Variants in WWC2 observed in about 807,000 individuals in gnomAD.
WWC2 encodes WW and C2 domain containing 2, also known as protein WWC2.
A neutral mutation model predicts 138.5 loss-of-function variants in WWC2; 101 were observed. The observed-to-expected ratio is 0.73, with a 90% CI of 0.62 to 0.86. The LOEUF (loss-of-function observed/expected upper bound fraction) is 0.86. WWC2 is among the 40% of genes least tolerant of loss of function. WWC2 has a pLI of 0.00. For missense variants in WWC2, 1,420 were observed against 1,419.4 expected (o/e 1.00, Z -0.01); for synonymous variants, 558 against 538.4 (o/e 1.04, Z -0.50).
At chr4:183,146,495 A>G (rs1187380210) in intron 1 of WWC2, among the ~76,000 whole-genome samples, 8 of 152,212 alleles carry the variant, frequency 5.3e-5, no homozygotes. Flanking sequence ...AATGAGATGT[A>G]TGAAATTCAG....
At chr4:183,297,383 T>C (rs868351582) in intron 21 of WWC2, among the ~76,000 whole-genome samples, 1 of 152,042 alleles carries the variant, frequency 6.6e-6, no homozygotes, top group African/African-American at 2.4e-5. Flanking sequence ...CTTTCTGTTA[T>C]GATTGTGGTA....
chr4:183,132,512 G>C (rs1315400477), intron 1 of WWC2, among the ~76,000 whole-genome samples: 1 of 149,062 alleles, frequency 6.7e-6, no homozygotes, highest in Non-Finnish European at 1.5e-5. Flanking sequence ...GGAGTGCTGT[G>C]GCGCGATCTC....
intron 3 of WWC2, among the ~76,000 whole-genome samples, chr4:183,208,447 G>A (rs936285846): frequency 2.0e-5 from 3 of 152,184 alleles, no homozygotes; most frequent in Non-Finnish European, 4.4e-5. Flanking sequence ...AACAGTGCAA[G>A]TAGTTTGGCC....
chr4:183,178,749 G>A (rs1231715617), intron 1 of WWC2, among the ~76,000 whole-genome samples: 2 of 152,170 alleles, frequency 1.3e-5, no homozygotes, highest in Admixed American at 6.5e-5. Context: ...TGATCTAGCT[G>A]AGCTCTCCGT....
chr4:183,160,808 G>A (rs1378033578), intron 1 of WWC2, among the ~76,000 whole-genome samples: 1 of 152,146 alleles, frequency 6.6e-6, no homozygotes, highest in Non-Finnish European at 1.5e-5. Flanking sequence ...TGGGAAATTT[G>A]CATCCAGATT....
rs149745934 is a variant in WWC2 at position 183,148,768 on chromosome 4, G to A, written c.132-44831G>A. ...CAACTAGGAATTTCTAGAAGAAACTGCTTCTTTCCTGTGCCAGGGTGTCCC... is the reference window on the plus strand; with the variant it reads ...CAACTAGGAATTTCTAGAAGAAACTACTTCTTTCCTGTGCCAGGGTGTCCC... On this transcript the variant is annotated intron_variant, in intron 1 of 22. Transcript: ENST00000403733. 2.4e-3 allele frequency among the ~76,000 whole-genome samples: 367 copies of A among 152,272 alleles called. 2 individuals carry two copies. Among genetic ancestry groups the A allele is most frequent in the African/African-American group, 8.6e-3 (356 of 41,546 alleles).
intron 4 of WWC2, among the ~76,000 whole-genome samples, chr4:183,239,108 A>G (rs1012540484): frequency 6.6e-6 from 1 of 152,134 alleles, no homozygotes; most frequent in Non-Finnish European, 1.5e-5. Flanking sequence ...TGAGCCCTGG[A>G]GTTCGAGACC....
At chr4:183,195,292 G>A (rs1467211689) in intron 2 of WWC2, among the ~76,000 whole-genome samples, 1 of 152,166 alleles carries the variant, frequency 6.6e-6, no homozygotes, top group Non-Finnish European at 1.5e-5. Flanking sequence ...TTTCCTTAAA[G>A]TAGTATTTGG....
intron 22 of WWC2, among the ~76,000 whole-genome samples, chr4:183,315,001 T>C (rs993811733): frequency 6.6e-6 from 1 of 152,248 alleles, no homozygotes; most frequent in Non-Finnish European, 1.5e-5. Context: ...GCCCCTTGCA[T>C]GTAATATGCC....
chr4:183,247,515 CTATACTATATATATACTATA>C lies in WWC2; in HGVS notation c.733-1181_733-1162del, dbSNP rs1261817617. On this transcript the variant is annotated intron_variant, in intron 6 of 22. Transcript: ENST00000403733. Reference sequence around the variant, plus strand: ...ATATACTATTTATACTATATATACACTATACTATATATATACTATATATACTATATATATACTGTATATAC... The same window carrying C: ...ATATACTATTTATACTATATATACACTATACTATATATATACTGTATATAC... Among the ~76,000 whole-genome samples the C allele has an allele frequency of 2.3e-3, 325 of 141,828 alleles. 1 individual carries two copies. Among genetic ancestry groups the C allele is most frequent in the Non-Finnish European group, 3.6e-3 (240 of 66,512 alleles). 93.0% of individuals were successfully genotyped at this position (141,828 alleles called of 152,430 possible).
intron 5 of WWC2, among the ~76,000 whole-genome samples, chr4:183,243,317 C>T (rs886819861): frequency 6.6e-6 from 1 of 152,172 alleles, no homozygotes. Flanking sequence ...TCAGATATCC[C>T]TATTACTACC....
intron 21 of WWC2, among the ~76,000 whole-genome samples, chr4:183,306,782 C>G (rs1244883886): frequency 6.7e-6 from 1 of 149,576 alleles, no homozygotes; most frequent in Non-Finnish European, 1.5e-5. Flanking sequence ...CTGCCTTGGC[C>G]TCCCAAAGTG....
chr4:183,122,139 A>G (rs1289515711), intron 1 of WWC2, among the ~76,000 whole-genome samples: 2 of 152,012 alleles, frequency 1.3e-5, no homozygotes, highest in Non-Finnish European at 2.9e-5. Context: ...CTTTATTTTT[A>G]TTGGAAAGTT....
At chr4:183,240,931 C>T (rs1029106254) in intron 5 of WWC2, among the ~76,000 whole-genome samples, 11 of 152,148 alleles carry the variant, frequency 7.2e-5, no homozygotes, top group African/African-American at 1.9e-4. Context: ...TCCGCATTCC[C>T]GGCCCCTGAA....
At chr4:183,223,992 A>G (rs1735999041) in intron 4 of WWC2, among the ~76,000 whole-genome samples, 1 of 152,200 alleles carries the variant, frequency 6.6e-6, no homozygotes, top group Non-Finnish European at 1.5e-5. Context: ...TCGGCCTCCC[A>G]AAGTGCTGGG....
chr4:183,297,203 T>C (rs1222713005), intron 21 of WWC2, among the ~76,000 whole-genome samples: 1 of 151,748 alleles, frequency 6.6e-6, no homozygotes, highest in African/African-American at 2.4e-5. Context: ...AAACTCCTGA[T>C]CTCAAGCAAG....
chr4:183,164,329 ATATATATACATATATATAT>A (rs1554068579), intron 1 of WWC2, among the ~76,000 whole-genome samples: 1 of 836 alleles, frequency 1.2e-3, no homozygotes, highest in African/African-American at 2.1e-3. Context: ...ACATATATAT[ATATATATACATATATATAT>A]TATATATACA....
At chr4:183,158,761 A>G (rs1733874634) in intron 1 of WWC2, among the ~76,000 whole-genome samples, 1 of 152,214 alleles carries the variant, frequency 6.6e-6, no homozygotes, top group African/African-American at 2.4e-5. Context: ...TTAAATCATT[A>G]GAAATACATA....
At chr4:183,277,652 G>T (rs1218744094) in intron 16 of WWC2, among the ~76,000 whole-genome samples, 1 of 126,808 alleles carries the variant, frequency 7.9e-6, no homozygotes, top group African/African-American at 2.9e-5. Context: ...GTTGTTTCCT[G>T]ACTTTTTAAT....
Sources: gnomAD v4.1 joint callset for allele counts (sites outside exome capture counted in the v4.1 genomes callset) on GRCh38, gnomAD v4.1.1 for gene constraint, MANE v1.5 for transcripts, NCBI Gene and HGNC (gene_info 2026-07-23, HGNC 2026-07-21) for gene names.